The following NEGR1 variants were observed in gnomAD, a reference collection of about 807,000 sequenced individuals.
The protein encoded by NEGR1 is IgLON family member 4.
In NEGR1, 10 loss-of-function variants were observed where a neutral mutation model predicts 40.9. The observed-to-expected ratio is 0.24, with a 90% CI of 0.15 to 0.42. The LOEUF (loss-of-function observed/expected upper bound fraction) is 0.42, where lower values mean the gene tolerates loss of function less well. Ranked by LOEUF, NEGR1 falls within the 10% of genes least tolerant of loss-of-function variation. The pLI, the probability that NEGR1 is intolerant of heterozygous loss-of-function variation, is 1.00. For synonymous variants in NEGR1, 185 were observed against 166.8 expected (o/e 1.11, Z -0.84); for missense variants, 352 against 438.9 (o/e 0.80, Z 1.77).
In NEGR1 at chr1:71,614,739, G is replaced by A. The variant is rs546995464; in HGVS notation, c.668-3593C>T. Among the ~76,000 whole-genome samples, 3 of 152,150 alleles carry A rather than the reference G, an allele frequency of 2.0e-5. No individual in the cohort carries two copies. In the South Asian group the frequency reaches 6.2e-4, roughly 32 times the overall value. ...CATTATAAACAAAAGCATGAAATCC[G>A]GAACATTGCCTGAAAACCGGAACAT... On this transcript the variant is annotated intron_variant, in intron 4 of 6. Coordinates refer to ENST00000357731, the MANE Select transcript of NEGR1 (RefSeq NM_173808.3).
At chr1:71,644,005 G>T (rs17091560) in intron 4 of NEGR1, among the ~76,000 whole-genome samples, 40,286 of 151,776 alleles carry the variant, frequency 0.27, 6,533 homozygotes, top group East Asian at 0.48. Context: ...TAATGGAGGA[G>T]AATTCTTTTC....
At chr1:71,735,067 G>A (rs1338146408) in intron 3 of NEGR1, among the ~76,000 whole-genome samples, 2 of 152,062 alleles carry the variant, frequency 1.3e-5, no homozygotes, top group South Asian at 2.1e-4. Flanking sequence ...TTCTTCACTA[G>A]ATGTGGCCTA....
intron 6 of NEGR1, among the ~76,000 whole-genome samples, chr1:71,579,255 A>C (rs1266403015): frequency 1.3e-5 from 2 of 152,104 alleles, no homozygotes; most frequent in African/African-American, 4.8e-5. Flanking sequence ...CACTTATATT[A>C]GTCATTCTTT....
intron 1 of NEGR1, among the ~76,000 whole-genome samples, chr1:72,088,164 A>C (rs537864438): frequency 6.6e-6 from 1 of 152,146 alleles, no homozygotes; most frequent in Non-Finnish European, 1.5e-5. Flanking sequence ...ACTCCTATTA[A>C]TCATCATAGA....
chr1:71,802,525 C>A (rs1367446301), intron 2 of NEGR1, among the ~76,000 whole-genome samples: 1 of 152,202 alleles, frequency 6.6e-6, no homozygotes, highest in African/African-American at 2.4e-5. Context: ...TTATTTACTT[C>A]TCAGAGAGGG....
At chr1:71,447,633 G>A (rs1209830905) in intron 6 of NEGR1, among the ~76,000 whole-genome samples, 1 of 152,060 alleles carries the variant, frequency 6.6e-6, no homozygotes, top group Non-Finnish European at 1.5e-5. Flanking sequence ...AGCCTTTCCT[G>A]ACCTTCCTAA....
rs1409165579 is a variant in NEGR1, at chr1:71,942,452, A to AATATATATATAT, written c.177-7142_177-7141insATATATATATAT. ...TTAATGCACAACTTAAAATTCTTTA[A>AATATATATATAT]ATCTATATATATATATATATATATA... On this transcript the variant is annotated intron_variant, in intron 1 of 6. Transcript: ENST00000357731. Among the ~76,000 whole-genome samples the AATATATATATAT allele has an allele frequency of 3.7e-3, 126 of 34,248 alleles. 2 individuals are homozygous for AATATATATATAT. The highest frequency in any genetic ancestry group is 0.017 in the South Asian group (10 of 582). The allele number at this position is 34,248 out of a possible 152,430, so 22.5% of individuals were successfully genotyped here. A position where few individuals can be genotyped will look rare whatever the true frequency, so the allele number is the denominator to read the frequency against.
intron 3 of NEGR1, among the ~76,000 whole-genome samples, chr1:71,773,409 C>T (rs1458768597): frequency 1.3e-5 from 2 of 152,056 alleles, no homozygotes; most frequent in African/African-American, 2.4e-5. Flanking sequence ...TGTTTTGGGA[C>T]ACATTTTCTT....
intron 6 of NEGR1, among the ~76,000 whole-genome samples, chr1:71,527,146 A>G (rs1647226511): frequency 6.6e-6 from 1 of 151,494 alleles, no homozygotes; most frequent in African/African-American, 2.4e-5. Flanking sequence ...TTTTGTTTTC[A>G]TGTCCCTCTC....
chr1:71,633,290 T>G (rs914585262), intron 4 of NEGR1, among the ~76,000 whole-genome samples: 4 of 152,124 alleles, frequency 2.6e-5, no homozygotes. Flanking sequence ...TTTTGTCATC[T>G]CTTCAGTAAT....
chr1:71,844,816 C>T (rs1342803936), intron 2 of NEGR1, among the ~76,000 whole-genome samples: 1 of 152,196 alleles, frequency 6.6e-6, no homozygotes, highest in Non-Finnish European at 1.5e-5. Context: ...CACATGGTGA[C>T]TGGCCTTGGC....
At chr1:71,500,501 T>G in intron 6 of NEGR1, among the ~76,000 whole-genome samples, 1 of 152,098 alleles carries the variant, frequency 6.6e-6, no homozygotes, top group East Asian at 1.9e-4. Flanking sequence ...AGGTCCGATC[T>G]TCTTTGCCTG....
chr1:71,490,970 G>GATAC (rs1646923842), intron 6 of NEGR1, among the ~76,000 whole-genome samples: 1 of 152,028 alleles, frequency 6.6e-6, no homozygotes, highest in African/African-American at 2.4e-5. Flanking sequence ...GCATCTTAAT[G>GATAC]ATACACATAG....
chr1:71,927,718 G>A (rs943507856), intron 2 of NEGR1, among the ~76,000 whole-genome samples: 1 of 147,692 alleles, frequency 6.8e-6, no homozygotes, highest in Non-Finnish European at 1.5e-5. Context: ...AGGGGCTCAT[G>A]TCAGTAATCC....
At chr1:71,936,649 G>C (rs1645908109) in intron 1 of NEGR1, among the ~76,000 whole-genome samples, 1 of 152,134 alleles carries the variant, frequency 6.6e-6, no homozygotes, top group South Asian at 2.1e-4. Flanking sequence ...ATAACCATGA[G>C]ATATATGGTA....
chr1:72,076,926 C>T (rs537739261), intron 1 of NEGR1, among the ~76,000 whole-genome samples: 4 of 109,888 alleles, frequency 3.6e-5, no homozygotes, highest in South Asian at 6.1e-4. Flanking sequence ...AACAGAGTGT[C>T]GGTCTGTTGC....
intron 1 of NEGR1, among the ~76,000 whole-genome samples, chr1:71,949,042 A>G (rs1393207106): frequency 6.6e-6 from 1 of 152,096 alleles, no homozygotes; most frequent in Non-Finnish European, 1.5e-5. Flanking sequence ...TGGCTTCTTC[A>G]AGGATATTGT....
intron 1 of NEGR1, among the ~76,000 whole-genome samples, chr1:72,197,071 T>C (rs1653027511): frequency 6.6e-6 from 1 of 151,962 alleles, no homozygotes; most frequent in African/African-American, 2.4e-5. Flanking sequence ...TTTGTGATGT[T>C]ACCTGAGCCA....
intron 6 of NEGR1, among the ~76,000 whole-genome samples, chr1:71,409,655 A>T (rs918136367): frequency 7.2e-5 from 11 of 152,084 alleles, no homozygotes; most frequent in Non-Finnish European, 1.3e-4. Context: ...TTGTTTACAT[A>T]TTCATTTCTT....
Sources: allele counts gnomAD v4.1 joint callset (sites outside exome capture counted in the v4.1 genomes callset), GRCh38; gene constraint gnomAD v4.1.1; transcripts MANE v1.5; gene names NCBI Gene and HGNC (gene_info 2026-07-23, HGNC 2026-07-21).